Variants in TENM2 observed in about 807,000 individuals in gnomAD.
The protein encoded by TENM2 is teneurin transmembrane protein 2, also known as teneurin-2.
TENM2 carries 52 observed loss-of-function variants against 245.2 expected under a neutral mutation model. The observed-to-expected ratio is 0.21, with a 90% CI of 0.17 to 0.27. The LOEUF (loss-of-function observed/expected upper bound fraction) is 0.27. Ranked by LOEUF, TENM2 falls within the 10% of genes least tolerant of loss-of-function variation. The pLI is 1.00. For missense variants in TENM2, 3,046 were observed against 3,666.8 expected (o/e 0.83, Z 4.37); for synonymous variants, 1,363 against 1,438.9 (o/e 0.95, Z 1.19).
the TENM2 span, among the ~76,000 whole-genome samples, chr5:167,146,677 T>C: frequency 6.6e-6 from 1 of 152,184 alleles, no homozygotes; most frequent in African/African-American, 2.4e-5. Context: ...GAAAACGGAC[T>C]CGAATCCCAT....
In TENM2 at chr5:167,700,949, TAAA is replaced by T. The variant is rs781480259; in HGVS notation, c.503-175015_503-175013del. Among the ~76,000 whole-genome samples, 375 of 79,916 alleles carry T rather than the reference TAAA, an allele frequency of 4.7e-3. 1 individual carries two copies. Among genetic ancestry groups the T allele is most frequent in the African/African-American group, 0.014 (284 of 20,588 alleles). 52.4% of individuals were successfully genotyped at this position (79,916 alleles called of 152,430 possible). A position where few individuals can be genotyped will look rare whatever the true frequency, so the allele number is the denominator to read the frequency against. The stretch of plus-strand genomic sequence containing the variant: ...CAGTACACACAGTTGTTATATTTCT[TAAA>T]AAAAAAAAAAAAAAAAAAAAAGCTA... On this transcript the variant is annotated intron_variant, in intron 2 of 28. Coordinates refer to ENST00000518659, the Ensembl canonical transcript of TENM2.
At chr5:167,951,600 A>T (rs760115804) in intron 3 of TENM2, among the ~76,000 whole-genome samples, 16 of 152,070 alleles carry the variant, frequency 1.1e-4, no homozygotes, top group Non-Finnish European at 2.1e-4. Flanking sequence ...TCCTGCAAGG[A>T]TAGAGGATTT....
intron 2 of TENM2, among the ~76,000 whole-genome samples, chr5:167,385,942 G>A (rs1463635075): frequency 6.6e-6 from 1 of 150,946 alleles, no homozygotes; most frequent in African/African-American, 2.4e-5. Context: ...GGGCATTTGG[G>A]TTGGTTCCAC....
At chr5:167,190,433 A>G in the TENM2 span, among the ~76,000 whole-genome samples, 1 of 152,020 alleles carries the variant, frequency 6.6e-6, no homozygotes, top group African/African-American at 2.4e-5. Context: ...GTGTAGTGAG[A>G]GAGAAATTAG....
At chr5:167,086,048 T>C in the TENM2 span, among the ~76,000 whole-genome samples, 1 of 152,322 alleles carries the variant, frequency 6.6e-6, no homozygotes, top group East Asian at 1.9e-4. Context: ...TGAAGGATGA[T>C]TCTATTCCAG....
the TENM2 span, among the ~76,000 whole-genome samples, chr5:167,027,844 C>T: frequency 4.6e-5 from 7 of 152,000 alleles, no homozygotes; most frequent in South Asian, 8.3e-4. Flanking sequence ...TTTGGGAGGC[C>T]GAGGCAGGTG....
chr5:167,443,386 G>A (rs1057479592), intron 2 of TENM2, among the ~76,000 whole-genome samples: 1 of 152,092 alleles, frequency 6.6e-6, no homozygotes, highest in African/African-American at 2.4e-5. Flanking sequence ...TATTGTCTAT[G>A]CTTTCTTGTC....
At chr5:167,969,055 T>C (rs915512270) in intron 4 of TENM2, among the ~76,000 whole-genome samples, 2 of 152,194 alleles carry the variant, frequency 1.3e-5, no homozygotes, top group African/African-American at 4.8e-5. Flanking sequence ...TTTTTAGACA[T>C]AATCATCTCT....
At chr5:167,986,813 C>T (rs1027089141) in intron 4 of TENM2, among the ~76,000 whole-genome samples, 2 of 152,190 alleles carry the variant, frequency 1.3e-5, no homozygotes, top group East Asian at 1.9e-4. Flanking sequence ...GCTGTCTTAA[C>T]AGCCGGTTCA....
At chr5:167,022,211 A>C in the TENM2 span, among the ~76,000 whole-genome samples, 1 of 152,232 alleles carries the variant, frequency 6.6e-6, no homozygotes, top group Admixed American at 6.5e-5. Flanking sequence ...ACAGAAACAC[A>C]GTAATTGAAT....
the TENM2 span, among the ~76,000 whole-genome samples, chr5:167,048,564 A>T: frequency 6.6e-6 from 1 of 152,178 alleles, no homozygotes; most frequent in Non-Finnish European, 1.5e-5. Flanking sequence ...CAGAATCTGA[A>T]CTGGAGAAGA....
intron 2 of TENM2, among the ~76,000 whole-genome samples, chr5:167,378,401 G>A (rs540992782): frequency 7.4e-6 from 1 of 135,168 alleles, no homozygotes; most frequent in Non-Finnish European, 1.6e-5. Flanking sequence ...TTTTGGTAGT[G>A]TAGACACCAT....
chr5:167,866,371 G>A (rs991712240), intron 2 of TENM2, among the ~76,000 whole-genome samples: 5 of 151,996 alleles, frequency 3.3e-5, no homozygotes, highest in Non-Finnish European at 7.4e-5. Context: ...GGTGGTGCAT[G>A]CCTATAATCC....
the TENM2 span, among the ~76,000 whole-genome samples, chr5:167,004,116 A>G: frequency 5.9e-5 from 9 of 152,350 alleles, no homozygotes; most frequent in South Asian, 1.2e-3. Context: ...GGATTTTCCA[A>G]CATAATGGGT....
chr5:167,204,334 C>T, the TENM2 span, among the ~76,000 whole-genome samples: 4 of 152,036 alleles, frequency 2.6e-5, no homozygotes, highest in Non-Finnish European at 4.4e-5. Flanking sequence ...GCAATAGCAT[C>T]CAAGCTGTTT....
chr5:167,293,901 T>G (rs755396744), intron 1 of TENM2, among the ~76,000 whole-genome samples: 1 of 152,108 alleles, frequency 6.6e-6, no homozygotes, highest in East Asian at 1.9e-4. Flanking sequence ...GCCCCTTCTC[T>G]GTGTGGACCA....
At chr5:167,788,810 T>A (rs541530849) in intron 2 of TENM2, among the ~76,000 whole-genome samples, 1 of 152,324 alleles carries the variant, frequency 6.6e-6, no homozygotes, top group African/African-American at 2.4e-5. Context: ...CATGGCAAAG[T>A]CACCCTTGTT....
chr5:167,108,348 A>G, the TENM2 span, among the ~76,000 whole-genome samples: 2 of 152,100 alleles, frequency 1.3e-5, no homozygotes, highest in South Asian at 4.2e-4. Context: ...CTGGTCTCGA[A>G]CTGCTGACCT....
chr5:167,617,999 A>C (rs10052061), intron 2 of TENM2, among the ~76,000 whole-genome samples: 4,804 of 152,124 alleles, frequency 0.032, 256 homozygotes, highest in African/African-American at 0.11. Context: ...ATTAATTGTC[A>C]TTGCTTCAGT....
Sources: allele counts gnomAD v4.1 joint callset (sites outside exome capture counted in the v4.1 genomes callset), GRCh38; gene constraint gnomAD v4.1.1; transcripts MANE v1.5; gene names NCBI Gene and HGNC (gene_info 2026-07-23, HGNC 2026-07-21).